GPHN: variants seen among roughly 807,000 people sequenced by gnomAD.
GPHN encodes the protein gephyrin.
GPHN carries 17 observed loss-of-function variants against 95.5 expected under a neutral mutation model. That is an observed-to-expected ratio of 0.18 (90% CI 0.12 to 0.27). The LOEUF is 0.27. Among genes scored for constraint, GPHN ranks in the 10% least tolerant of loss-of-function variants. The pLI, the probability that GPHN is intolerant of heterozygous loss-of-function variation, is 1.00. For synonymous variants in GPHN, 320 were observed against 322.5 expected, an observed-to-expected ratio of 0.99 and a Z score of 0.08; for missense variants, 660 against 978.1, an observed-to-expected ratio of 0.67 and a Z score of 4.34.
the GPHN span, among the ~76,000 whole-genome samples, chr14:67,699,539 G>A: frequency 1.4e-5 from 2 of 142,122 alleles, no homozygotes; most frequent in Middle Eastern, 3.6e-3. Context: ...GCAGTGAGCT[G>A]TGATTGTGCC....
At chr14:67,004,740 G>A (rs1261636482) in intron 9 of GPHN, among the ~76,000 whole-genome samples, 16 of 151,724 alleles carry the variant, frequency 1.1e-4, no homozygotes, top group Admixed American at 1.1e-3. Context: ...TGAGTTTTTG[G>A]AACCTTATTA....
chr14:66,690,840 A>AG (rs1311885676), intron 2 of GPHN, among the ~76,000 whole-genome samples: 1 of 151,988 alleles, frequency 6.6e-6, no homozygotes, highest in Non-Finnish European at 1.5e-5. Flanking sequence ...GTGTAAGTAC[A>AG]CTCTATGAAG....
At chr14:66,856,758 T>C (rs1253571151) in intron 4 of GPHN, among the ~76,000 whole-genome samples, 1 of 152,100 alleles carries the variant, frequency 6.6e-6, no homozygotes, top group African/African-American at 2.4e-5. Context: ...TTTCTAAATG[T>C]ACACCTCTTC....
intron 1 of GPHN, among the ~76,000 whole-genome samples, chr14:66,572,119 T>C (rs1390443877): frequency 6.6e-6 from 1 of 152,224 alleles, no homozygotes; most frequent in East Asian, 1.9e-4. Flanking sequence ...TCTATGTGCC[T>C]GTTTTTGTGC....
chr14:66,783,694 G>A (rs1429037976), intron 3 of GPHN, among the ~76,000 whole-genome samples: 1 of 152,088 alleles, frequency 6.6e-6, no homozygotes, highest in Non-Finnish European at 1.5e-5. Context: ...ATTAGCATGC[G>A]CCCCTACTTG....
chr14:67,646,682 T>C, the GPHN span: 3 of 1,613,814 alleles, frequency 1.9e-6, no homozygotes, highest in South Asian at 3.3e-5. Flanking sequence ...TCAAACCTTG[T>C]ATCTCTTCTG....
the GPHN span, among the ~76,000 whole-genome samples, chr14:67,375,232 CTGTGTG>C: frequency 0.21 from 28,174 of 137,432 alleles, 2,860 homozygotes; most frequent in Non-Finnish European, 0.22. Context: ...ATCCTCAGTT[CTGTGTG>C]TGTGTGTGTG....
At chr14:67,323,752 T>C in the GPHN span, 2 of 1,606,246 alleles carry the variant, frequency 1.2e-6, no homozygotes, top group South Asian at 2.2e-5. Context: ...TTATCTTCAT[T>C]GCACCCCCTT....
intron 1 of GPHN, among the ~76,000 whole-genome samples, chr14:66,592,751 A>C (rs4645626): frequency 2.0e-5 from 3 of 152,190 alleles, no homozygotes; most frequent in Non-Finnish European, 2.9e-5. Flanking sequence ...TGATTCCTCA[A>C]GGATCTAGAA....
At chr14:66,607,617 A>T (rs1329712627) in intron 1 of GPHN, among the ~76,000 whole-genome samples, 5 of 151,646 alleles carry the variant, frequency 3.3e-5, no homozygotes, top group Non-Finnish European at 2.9e-5. Flanking sequence ...TTCAGTGTGA[A>T]TCCTTCTAGT....
the GPHN span, chr14:67,199,517 G>A: frequency 6.2e-7 from 1 of 1,612,538 alleles, no homozygotes; most frequent in Non-Finnish European, 8.5e-7. Context: ...TGCTTCATTT[G>A]ATGCTTCAGT....
chr14:66,764,530 G>A (rs1158614838), intron 2 of GPHN, among the ~76,000 whole-genome samples: 1 of 151,994 alleles, frequency 6.6e-6, no homozygotes, highest in Non-Finnish European at 1.5e-5. Context: ...ATACGTGCCA[G>A]GTCAGGGCTG....
At chr14:67,218,385 C>T in the GPHN span, among the ~76,000 whole-genome samples, 16 of 152,130 alleles carry the variant, frequency 1.1e-4, no homozygotes, top group African/African-American at 3.1e-4. Context: ...CCCACAGAGC[C>T]GTTTCTCAAA....
At chr14:66,549,248 ATTATT>A (rs1391480195) in intron 1 of GPHN, among the ~76,000 whole-genome samples, 5 of 152,304 alleles carry the variant, frequency 3.3e-5, no homozygotes, top group African/African-American at 1.2e-4. Context: ...TGGTGAACAG[ATTATT>A]TTGTCACCTG....
At chr14:67,429,845 A>G in the GPHN span, among the ~76,000 whole-genome samples, 1 of 152,230 alleles carries the variant, frequency 6.6e-6, no homozygotes. Context: ...ACTTAGATAC[A>G]TTATCTCAGT....
chr14:66,746,146 T>C (rs1390960906), intron 2 of GPHN, among the ~76,000 whole-genome samples: 1 of 152,208 alleles, frequency 6.6e-6, no homozygotes, highest in Non-Finnish European at 1.5e-5. Flanking sequence ...TTAATATTTG[T>C]ATATAAGTTT....
intron 2 of GPHN, among the ~76,000 whole-genome samples, chr14:66,683,359 TATATATATATATATATATATGTTC>T (rs1566812472): frequency 3.4e-5 from 3 of 88,638 alleles, no homozygotes; most frequent in African/African-American, 8.4e-5. Flanking sequence ...TATATATATA[TATATATATATATATATATATGTTC>T]ATATATATAT....
At chr14:66,515,193 T>A (rs1335847008) in intron 1 of GPHN, among the ~76,000 whole-genome samples, 1 of 152,146 alleles carries the variant, frequency 6.6e-6, no homozygotes, top group East Asian at 1.9e-4. Context: ...TTAAAGTTCT[T>A]GAGATATATG....
At chr14:66,945,104 A>C (rs2067668356) in intron 8 of GPHN, among the ~76,000 whole-genome samples, 1 of 152,220 alleles carries the variant, frequency 6.6e-6, no homozygotes, top group African/African-American at 2.4e-5. Flanking sequence ...GAAAAAAAAC[A>C]CGTTCTTGTT....
Sources: gnomAD v4.1 joint callset for allele counts (sites outside exome capture counted in the v4.1 genomes callset) on GRCh38, gnomAD v4.1.1 for gene constraint, MANE v1.5 for transcripts, NCBI Gene and HGNC (gene_info 2026-07-23, HGNC 2026-07-21) for gene names.